Variants in TNNI3 observed in about 807,000 individuals in gnomAD.
TNNI3 encodes troponin I, cardiac muscle.
In TNNI3, 23 loss-of-function variants were observed where a neutral mutation model predicts 31.5. That is an observed-to-expected ratio of 0.73 (90% CI 0.52 to 1.03). The LOEUF (loss-of-function observed/expected upper bound fraction) is 1.03, where lower values mean the gene tolerates loss of function less well. TNNI3 is among the 50% of genes least tolerant of loss of function. The probability of loss-of-function intolerance (pLI) is 0.00; values close to 1 mark genes in which losing one functional copy is unlikely to be tolerated. For missense variants in TNNI3, 236 were observed against 282.9 expected, an observed-to-expected ratio of 0.83 and a Z score of 1.19; for synonymous variants, 120 against 111.7, an observed-to-expected ratio of 1.07 and a Z score of -0.47.
At position 55,151,847 on chromosome 19, in the gene TNNI3, T is replaced by C. The variant is rs367672692; in HGVS notation, c.620A>G (p.Lys207Arg). Residue 207 changes from lysine (K) to arginine (R), a missense_variant, in exon 8 of 8, where the codon AAG (lysine) becomes AGG (arginine). This residue lies in a region of TNNI3 where 28 missense variants were observed against 36.2 expected (regional missense o/e 0.77). Coordinates refer to ENST00000344887, the MANE Select transcript of TNNI3 (RefSeq NM_000363.5). ...AGGCAGGAAGGCTCAGCTCTCAAACTTTTTCTTGCGGCCCTCCATTCCACT... is the reference window on the plus strand; with the variant it reads ...AGGCAGGAAGGCTCAGCTCTCAAACCTTTTCTTGCGGCCCTCCATTCCACT... ...ALSGMEGRKKKFES is the reference protein window; with the variant it reads ...ALSGMEGRKKRFES The C allele has an allele frequency of 3.7e-6, 6 of 1,613,816 alleles. No homozygotes were observed. The highest frequency in any genetic ancestry group is 5.1e-6 in the Non-Finnish European group (6 of 1,179,842).
Position 55,156,114 on chromosome 19 carries a change from G to A in TNNI3, c.282+87C>T, listed in dbSNP as rs2085727345. On this transcript the variant is annotated intron_variant, in intron 5 of 7. Transcript: ENST00000344887. The surrounding 1 kb of genome is among the most constrained non-coding windows in gnomAD (Gnocchi z 4.6). The stretch of plus-strand genomic sequence containing the variant: ...TAATTGGGTAAGGACAGCCATATTG[G>A]ACGCCTGGGTCCCGAGCAGAAGAGG... 6.2e-7 allele frequency: 1 copy of A among 1,603,430 alleles called. No individual in the cohort carries two copies.
chr19:55,156,628 G>C lies in TNNI3; in HGVS notation c.125C>G (p.Ser42Cys), dbSNP rs2085732640. 6.4e-7 allele frequency: 1 copy of C among 1,565,638 alleles called. No homozygotes were observed. The highest frequency in any genetic ancestry group is 8.7e-7 in the Non-Finnish European group (1 of 1,153,414). ...CTTCAGCTGCAATTTTCTCGAGGCGGAGATCTTAGATTTTTTCTGCCAGGG... is the reference window on the plus strand; with the variant it reads ...CTTCAGCTGCAATTTTCTCGAGGCGCAGATCTTAGATTTTTTCTGCCAGGG... Reference protein sequence around the residue: ...EPHAKKKSKISASRKLQLKTL... With the variant: ...EPHAKKKSKICASRKLQLKTL... The change falls in exon 4 of 8, where the codon TCC (serine) becomes TGC (cysteine). Residue 42 changes from serine (S) to cysteine (C), a missense_variant. Physicochemically the swap from Ser to Cys is moderately radical, Grantham distance 112. Transcript: ENST00000344887. This position sits in a 1 kb window ranked among gnomAD's most constrained non-coding sequence, Gnocchi z 4.6.
rs2147282173 is a variant in TNNI3 at position 55,152,649 on chromosome 19, A to C, written c.550-732T>G. ...TTTTATTATTATTATTATTTGAGACAGGGTCTGGCTGCCTCATCCAAGCTG... is the reference window on the plus strand; with the variant it reads ...TTTTATTATTATTATTATTTGAGACCGGGTCTGGCTGCCTCATCCAAGCTG... On this transcript the variant is annotated intron_variant, in intron 7 of 7. Transcript: ENST00000344887. The surrounding 1 kb of genome is among the most constrained non-coding windows in gnomAD (Gnocchi z 4.0). 1.3e-5 allele frequency among the ~76,000 whole-genome samples: 2 copies of C among 152,320 alleles called. 1 individual carries two copies. The highest frequency in any genetic ancestry group is 6.8e-3 in the Middle Eastern group (2 of 294).
chr19:55,156,147 G>A lies in TNNI3; in HGVS notation c.282+54C>T. ...GGTCCCGAGCAGAAGAGGGGATAGA[G>A]GCTGTACTGCTGAATTCCGGGACTA... On this transcript the variant is annotated intron_variant, in intron 5 of 7. Transcript: ENST00000344887. The surrounding 1 kb of genome is among the most constrained non-coding windows in gnomAD (Gnocchi z 4.6). The A allele has an allele frequency of 1.9e-6, 3 of 1,612,508 alleles. No individual in the cohort carries two copies. Among genetic ancestry groups the A allele is most frequent in the Non-Finnish European group, 2.5e-6 (3 of 1,179,688 alleles).
intron 5 of TNNI3, among the ~76,000 whole-genome samples, chr19:55,155,112 T>C (rs2085719784): frequency 1.1e-5 from 1 of 92,858 alleles, no homozygotes; most frequent in Non-Finnish European, 2.1e-5. Context: ...GGGACTGGAC[T>C]CCTGGGTCTG....
chr19:55,151,855 G>C lies in TNNI3; in HGVS notation c.612C>G (p.Arg204=), dbSNP rs1599907540. 2 of 1,614,088 alleles carry C rather than the reference G, an allele frequency of 1.2e-6. No homozygotes were observed. The highest frequency in any genetic ancestry group is 8.5e-7 in the Non-Finnish European group (1 of 1,179,950). ...AGGCTCAGCTCTCAAACTTTTTCTT[G>C]CGGCCCTCCATTCCACTCAGTGCAT... The part of the protein sequence containing the change: ...NIDALSGMEG[R]KKKFES Residue 204 remains arginine, a synonymous_variant, in exon 8 of 8, where the codon CGC becomes CGG. Coordinates refer to ENST00000344887, the MANE Select transcript of TNNI3 (RefSeq NM_000363.5).
Position 55,154,801 on chromosome 19 carries a change from CACA to C in TNNI3, c.309_311del (p.Val104del). ...CGTATCTCTCTTCATCCACCTTGTC[CACA>C]CGGGCGTGGAGCTGTCGGCACAAGT... is the stretch of plus-strand genomic sequence containing the variant. On this transcript the variant is annotated inframe_deletion, in exon 6 of 8. Transcript: ENST00000344887. The C allele has an allele frequency of 6.2e-7, 1 of 1,614,186 alleles. No individual in the cohort carries two copies. Among genetic ancestry groups the C allele is most frequent in the Non-Finnish European group, 8.5e-7 (1 of 1,180,020 alleles).
rs3729836 is a variant in TNNI3, at chr19:55,157,141, A to T, written c.25-8T>A. 402,384 of 1,595,860 alleles carry T rather than the reference A, an allele frequency of 0.25. 61,446 individuals are homozygous for T. The highest frequency in any genetic ancestry group is 0.62 in the African/African-American group (46,411 of 74,752). ...AGGGCGAGGTTCCCTAGCCTGGGTTAGGAGGAGTGGGGACCCCATCACCAC... is the reference window on the plus strand; with the variant it reads ...AGGGCGAGGTTCCCTAGCCTGGGTTTGGAGGAGTGGGGACCCCATCACCAC... On this transcript the variant is annotated splice_polypyrimidine_tract_variant and splice_region_variant and intron_variant, in intron 2 of 7. Transcript: ENST00000344887. This position sits in a 1 kb window ranked among gnomAD's most constrained non-coding sequence, Gnocchi z 6.3.
At chr19:55,153,972 T>C (rs2085710529) in intron 7 of TNNI3, 58 bp downstream of exon 7, 1 of 1,599,582 alleles carries the variant, frequency 6.3e-7, no homozygotes, top group Non-Finnish European at 8.5e-7. Flanking sequence ...CCTAGGGTTG[T>C]TGGCACCCAC....
chr19:55,156,667 G>A lies in TNNI3; in HGVS notation c.109-23C>T. The A allele has an allele frequency of 6.4e-7, 1 of 1,560,436 alleles. No individual in the cohort carries two copies. The highest frequency in any genetic ancestry group is 2.4e-5 in the East Asian group (1 of 42,014). On this transcript the variant is annotated intron_variant, in intron 3 of 7. Transcript: ENST00000344887. The surrounding 1 kb of genome is among the most constrained non-coding windows in gnomAD (Gnocchi z 4.6). ...TTTCTGCCAGGGTGAGATGGAGCAA[G>A]GAAGGATCATGGAGGGGGATTCGGA... is the stretch of plus-strand genomic sequence containing the variant.
Position 55,157,435 on chromosome 19 carries a change from T to G in TNNI3, c.12-127A>C. The stretch of plus-strand genomic sequence containing the variant: ...CTTCCCCTTCCTTGGGTTCCAGGAG[T>G]CTGACTCGCAAACCCACTTCCTCTC... On this transcript the variant is annotated intron_variant, in intron 1 of 7. Coordinates refer to ENST00000344887, the MANE Select transcript of TNNI3 (RefSeq NM_000363.5). The surrounding 1 kb of genome is among the most constrained non-coding windows in gnomAD (Gnocchi z 6.3). The G allele has an allele frequency of 6.3e-7, 1 of 1,584,090 alleles. No homozygotes were observed. Among genetic ancestry groups the G allele is most frequent in the Non-Finnish European group, 8.6e-7 (1 of 1,156,298 alleles).
rs1379048373 is a variant in TNNI3 at position 55,157,494 on chromosome 19, C to G, written c.11+85G>C. On this transcript the variant is annotated intron_variant, in intron 1 of 7. Transcript: ENST00000344887. This position sits in a 1 kb window ranked among gnomAD's most constrained non-coding sequence, Gnocchi z 6.3. ...AGAGTCCCTACGCCTACCTCGCAGG[C>G]CAAGGGTCCAGCCTCTCAGCTGCGA... 6 of 1,595,384 alleles carry G rather than the reference C, an allele frequency of 3.8e-6. No individual in the cohort carries two copies. In the African/African-American group the frequency reaches 8.0e-5, roughly 21 times the overall value.
chr19:55,152,310 CTTCTT>C lies in TNNI3; in HGVS notation c.550-398_550-394del, dbSNP rs1402171317. Among the ~76,000 whole-genome samples the C allele has an allele frequency of 6.6e-6, 1 of 152,152 alleles. No homozygotes were observed. The highest frequency in any genetic ancestry group is 2.1e-4 in the South Asian group (1 of 4,826). ...ATGCCCTTCCTGTCTCCTTCCTTCT[CTTCTT>C]ATTATAGTAGTCCCTCCTTTTCTGC... is the stretch of plus-strand genomic sequence containing the variant. On this transcript the variant is annotated intron_variant, in intron 7 of 7. Coordinates refer to ENST00000344887, the MANE Select transcript of TNNI3 (RefSeq NM_000363.5). The surrounding 1 kb of genome is among the most constrained non-coding windows in gnomAD (Gnocchi z 4.0).
In TNNI3 at chr19:55,154,333, C is replaced by T. The variant is rs1327679363; in HGVS notation, c.373-127G>A. On this transcript the variant is annotated intron_variant, in intron 6 of 7. Transcript: ENST00000344887. Reference sequence around the variant, plus strand: ...TACCGAGGCCTTACCAGTCTCTTCCCGGCTTAGGCTCCCAGTCTAGGCTTC... The same window carrying T: ...TACCGAGGCCTTACCAGTCTCTTCCTGGCTTAGGCTCCCAGTCTAGGCTTC... The T allele has an allele frequency of 1.3e-5, 13 of 991,608 alleles. 1 individual carries two copies. The highest frequency in any genetic ancestry group is 1.8e-5 in the Non-Finnish European group (12 of 656,352). 61.4% of individuals were successfully genotyped at this position (991,608 alleles called of 1,614,324 possible). A position where few individuals can be genotyped will look rare whatever the true frequency, so the allele number is the denominator to read the frequency against.
rs779416591 is a variant in TNNI3, at chr19:55,157,106, G to T, written c.52C>A (p.Pro18Thr). Residue 18 changes from proline (P) to threonine (T), a missense_variant, in exon 3 of 8, where the codon CCA (proline) becomes ACA (threonine). Pro to Thr is a conservative substitution (Grantham distance 38). Transcript: ENST00000344887. The surrounding 1 kb of genome is among the most constrained non-coding windows in gnomAD (Gnocchi z 6.3). ...AAREPRPAPA[P>T]IRRRSSNYRA... ...TAGTTGGAGGAGCGGCGTCTGATTG[G>T]GGCTGGTGCAGGGCGAGGTTCCCTA... The T allele has an allele frequency of 1.2e-5, 19 of 1,602,976 alleles. No homozygotes were observed. The highest frequency in any genetic ancestry group is 1.6e-5 in the Non-Finnish European group (19 of 1,176,576).
intron 7 of TNNI3, among the ~76,000 whole-genome samples, chr19:55,153,020 A>G (rs893899659): frequency 2.0e-5 from 3 of 151,874 alleles, no homozygotes; most frequent in African/African-American, 7.3e-5. Flanking sequence ...GGCTGGTCTC[A>G]AACTCCTGAC....
In TNNI3 at chr19:55,153,129, G is replaced by A. The variant is rs1391322180; in HGVS notation, c.549+901C>T. On this transcript the variant is annotated intron_variant, in intron 7 of 7. Transcript: ENST00000344887. ...GTATTTTTTATAGAGACATGGTCTC[G>A]CCATGTTGCCCAGGCTGGTCTCGAA... 4.0e-5 allele frequency among the ~76,000 whole-genome samples: 6 copies of A among 151,758 alleles called. No homozygotes were observed. In the East Asian group the frequency reaches 7.8e-4, roughly 20 times the overall value.
chr19:55,156,212 C>T lies in TNNI3; in HGVS notation c.271G>A (p.Ala91Thr), dbSNP rs1568859108. 2 of 1,612,754 alleles carry T rather than the reference C, an allele frequency of 1.2e-6. No individual in the cohort carries two copies. The highest frequency in any genetic ancestry group is 1.7e-5 in the Admixed American group (1 of 60,002). ...QPLELAGLGF[A>T]ELQDLCRQLH... ...TTGGGAGCCGGTACCTGCAGCTCCG[C>T]GAAGCCCAGCCCGGCCAACTCCAGC... is the stretch of plus-strand genomic sequence containing the variant. Residue 91 changes from alanine to threonine, a missense_variant, in exon 5 of 8, where the codon GCG becomes ACG. By Grantham distance (58) the Ala-to-Thr change is moderately conservative (BLOSUM62 0). Around this residue, in one of 4 missense-constraint regions of TNNI3, gnomAD observed 172 missense variants for 171.8 expected, o/e 1.00. Transcript: ENST00000344887. This position sits in a 1 kb window ranked among gnomAD's most constrained non-coding sequence, Gnocchi z 4.6.
Position 55,157,472 on chromosome 19 carries a change from G to A in TNNI3, c.11+107C>T. Reference sequence around the variant, plus strand: ...ACCCACTTCCTCTCTTCACCCAAGAGTCCCTACGCCTACCTCGCAGGCCAA... The same window carrying A: ...ACCCACTTCCTCTCTTCACCCAAGAATCCCTACGCCTACCTCGCAGGCCAA... On this transcript the variant is annotated intron_variant, in intron 1 of 7. Transcript: ENST00000344887. This position sits in a 1 kb window ranked among gnomAD's most constrained non-coding sequence, Gnocchi z 6.3. The A allele has an allele frequency of 6.3e-7, 1 of 1,579,060 alleles. No homozygotes were observed. The highest frequency in any genetic ancestry group is 8.7e-7 in the Non-Finnish European group (1 of 1,152,644).
Sources: allele counts gnomAD v4.1 joint callset (sites outside exome capture counted in the v4.1 genomes callset), GRCh38; gene constraint gnomAD v4.1.1; regional missense constraint gnomAD v4.1.1; non-coding constraint Gnocchi (gnomAD v3.1); transcripts MANE v1.5; gene names NCBI Gene and HGNC (gene_info 2026-07-23, HGNC 2026-07-21).